The following TENM2 variants were observed in gnomAD, a reference collection of about 807,000 sequenced individuals.
TENM2 encodes teneurin-2.
In TENM2, 52 loss-of-function variants were observed where a neutral mutation model predicts 245.2. That is an observed-to-expected ratio of 0.21 (90% CI 0.17 to 0.27). TENM2 has a LOEUF of 0.27. Ranked by LOEUF, TENM2 falls within the 10% of genes least tolerant of loss-of-function variation. TENM2 has a pLI of 1.00. For missense variants in TENM2, 3,046 were observed against 3,666.8 expected, an observed-to-expected ratio of 0.83 and a Z score of 4.37; for synonymous variants, 1,363 against 1,438.9, an observed-to-expected ratio of 0.95 and a Z score of 1.19.
intron 2 of TENM2, among the ~76,000 whole-genome samples, chr5:167,872,296 TAGAAAGAAAGAA>T (rs56684638): frequency 0.069 from 7,228 of 104,354 alleles, 329 homozygotes; most frequent in East Asian, 0.14. Flanking sequence ...AAGAGAAAGA[TAGAAAGAAAGAA>T]AGAAAGAAAG....
In TENM2 at chr5:167,787,098, T is replaced by C. The variant is rs76760376; in HGVS notation, c.503-88888T>C. 4.4e-3 allele frequency among the ~76,000 whole-genome samples: 668 copies of C among 152,288 alleles called. 4 individuals carry two copies. Among genetic ancestry groups the C allele is most frequent in the African/African-American group, 0.015 (636 of 41,560 alleles). On this transcript the variant is annotated intron_variant, in intron 2 of 28. Coordinates refer to ENST00000518659, the Ensembl canonical transcript of TENM2. ...ATCCCCAGGGGGCAAATAAGGAGCA[T>C]CTGCTGCTGTTCAAGGTTCTAAACT...
At chr5:167,757,392 A>G (rs569234756) in intron 2 of TENM2, among the ~76,000 whole-genome samples, 29 of 152,046 alleles carry the variant, frequency 1.9e-4, no homozygotes, top group African/African-American at 6.5e-4. Flanking sequence ...GTTTCCAGCT[A>G]CATCCATGTC....
intron 9 of TENM2, among the ~76,000 whole-genome samples, chr5:168,114,703 G>A (rs979167852): frequency 6.6e-6 from 1 of 152,264 alleles, no homozygotes; most frequent in African/African-American, 2.4e-5. Flanking sequence ...TTCTTTGTAT[G>A]GCATAAGCAA....
chr5:167,598,694 T>C (rs1358962989), intron 2 of TENM2, among the ~76,000 whole-genome samples: 2 of 152,130 alleles, frequency 1.3e-5, no homozygotes, highest in Non-Finnish European at 2.9e-5. Context: ...AAACAGCTAC[T>C]CTCTTGGAGT....
At chr5:168,154,984 A>G (rs1181443944) in intron 12 of TENM2, among the ~76,000 whole-genome samples, 3 of 152,218 alleles carry the variant, frequency 2.0e-5, no homozygotes, top group Non-Finnish European at 4.4e-5. Context: ...CTGCGTGTCC[A>G]CGCCATTTGT....
chr5:167,243,935 T>C, the TENM2 span, among the ~76,000 whole-genome samples: 1 of 152,196 alleles, frequency 6.6e-6, no homozygotes, highest in Non-Finnish European at 1.5e-5. Flanking sequence ...ACTTCATATA[T>C]AGAATTATTT....
intron 2 of TENM2, among the ~76,000 whole-genome samples, chr5:167,409,819 A>G (rs1581964534): frequency 6.6e-6 from 1 of 151,856 alleles, no homozygotes; most frequent in African/African-American, 2.4e-5. Context: ...TACCAGTTGT[A>G]TCAGTGATCC....
Position 167,312,907 on chromosome 5 carries a change from CT to C in TENM2, c.226+27858del, listed in dbSNP as rs762116351. 5.8e-3 allele frequency among the ~76,000 whole-genome samples: 548 copies of C among 94,630 alleles called. 4 individuals are homozygous for C. The highest frequency in any genetic ancestry group is 0.011 in the African/African-American group (357 of 32,438). 62.1% of individuals were successfully genotyped at this position (94,630 alleles called of 152,430 possible). ...CCCTCATGAAACCTTGACCTTGACT[CT>C]TTTTTTTTTTTTTAAATGGAGCCTC... On this transcript the variant is annotated intron_variant, in intron 1 of 28. Coordinates refer to ENST00000518659, the Ensembl canonical transcript of TENM2.
intron 2 of TENM2, among the ~76,000 whole-genome samples, chr5:167,703,271 C>T (rs1483523097): frequency 6.6e-6 from 1 of 152,102 alleles, no homozygotes; most frequent in South Asian, 2.1e-4. Flanking sequence ...GTGGCTCACA[C>T]CTGTAATCCG....
intron 2 of TENM2, among the ~76,000 whole-genome samples, chr5:167,437,438 C>T (rs1764628273): frequency 6.6e-6 from 1 of 152,160 alleles, no homozygotes. Context: ...TTTACATGCT[C>T]ATAGGCAGAA....
At chr5:167,344,623 C>T (rs1758349226) in intron 1 of TENM2, among the ~76,000 whole-genome samples, 1 of 152,114 alleles carries the variant, frequency 6.6e-6, no homozygotes, top group African/African-American at 2.4e-5. Flanking sequence ...CATTAATATG[C>T]TTGCATTGCC....
chr5:167,408,410 T>A (rs1424390943), intron 2 of TENM2, among the ~76,000 whole-genome samples: 1 of 152,120 alleles, frequency 6.6e-6, no homozygotes, highest in African/African-American at 2.4e-5. Context: ...AAATTCTTAC[T>A]CTTGTTGTAT....
chr5:167,095,018 G>A, the TENM2 span, among the ~76,000 whole-genome samples: 16 of 152,146 alleles, frequency 1.1e-4, no homozygotes, highest in East Asian at 1.9e-4. Context: ...TACAACAGGG[G>A]TGTATGGTTA....
intron 2 of TENM2, among the ~76,000 whole-genome samples, chr5:167,827,774 G>T (rs1238514447): frequency 1.3e-5 from 2 of 152,074 alleles, no homozygotes; most frequent in Non-Finnish European, 2.9e-5. Flanking sequence ...GTTAATCAGG[G>T]ATAATTTTCC....
the TENM2 span, among the ~76,000 whole-genome samples, chr5:167,105,887 C>CAAAAAAAAAAAA: frequency 4.7e-4 from 23 of 48,830 alleles, 1 homozygote; most frequent in South Asian, 7.5e-4. Context: ...GACTCCGTCT[C>CAAAAAAAAAAAA]AAAAAAAAAA....
intron 2 of TENM2, among the ~76,000 whole-genome samples, chr5:167,612,343 C>T (rs905946143): frequency 3.9e-5 from 6 of 152,010 alleles, no homozygotes; most frequent in Non-Finnish European, 1.5e-5. Flanking sequence ...AACGAACTCA[C>T]CCAACCCCCA....
chr5:168,138,207 C>T (rs1414391195), intron 12 of TENM2, among the ~76,000 whole-genome samples: 1 of 152,208 alleles, frequency 6.6e-6, no homozygotes, highest in Non-Finnish European at 1.5e-5. Context: ...CCTTCCATCA[C>T]TTGCAAGTTG....
chr5:168,099,053 G>A (rs1793595564), intron 9 of TENM2, among the ~76,000 whole-genome samples: 1 of 152,032 alleles, frequency 6.6e-6, no homozygotes, highest in African/African-American at 2.4e-5. Context: ...GGAATTACAG[G>A]CATGTGCCAC....
intron 8 of TENM2, among the ~76,000 whole-genome samples, chr5:168,097,471 C>G (rs577752635): frequency 6.6e-6 from 1 of 152,284 alleles, no homozygotes; most frequent in African/African-American, 2.4e-5. Flanking sequence ...GTCACCCAGG[C>G]TGGAGTGCAA....
Sources: allele counts gnomAD v4.1 joint callset (sites outside exome capture counted in the v4.1 genomes callset), GRCh38; gene constraint gnomAD v4.1.1; transcripts MANE v1.5; gene names NCBI Gene and HGNC (gene_info 2026-07-23, HGNC 2026-07-21).